The following HIBCH variants were observed in gnomAD, a reference collection of about 807,000 sequenced individuals.
HIBCH encodes 3-hydroxyisobutyryl-CoA hydrolase, mitochondrial.
HIBCH carries 50 observed loss-of-function variants against 58.2 expected under a neutral mutation model. The observed-to-expected ratio is 0.86, with a 90% CI of 0.68 to 1.09. HIBCH has a LOEUF of 1.09. Ranked by LOEUF, HIBCH falls within the 50% of genes least tolerant of loss-of-function variation. The probability of loss-of-function intolerance (pLI) is 0.00; values close to 1 mark genes in which losing one functional copy is unlikely to be tolerated. For missense variants in HIBCH, 450 were observed against 449.7 expected (o/e 1.00, Z -0.01); for synonymous variants, 151 against 146.9 (o/e 1.03, Z -0.20).
chr2:190,191,418 T>C (rs1032915700), intron 1 of HIBCH, among the ~76,000 whole-genome samples: 1 of 152,216 alleles, frequency 6.6e-6, no homozygotes, highest in African/African-American at 2.4e-5. Context: ...ATACTGGGAT[T>C]ACAGGCATGC....
At position 190,214,970 on chromosome 2, in the gene HIBCH, G is replaced by A. The variant is rs1250370322; in HGVS notation, c.892-1895C>T. ...CTTCTGAACAGTAGACGTCTAATAA[G>A]TACTCTCTTAGAGAAGTCCCTATGG... On this transcript the variant is annotated intron_variant, in intron 11 of 13. Transcript: ENST00000359678. This position sits in a 1 kb window ranked among gnomAD's most constrained non-coding sequence, Gnocchi z 5.5. 1 of 152,238 alleles carries A rather than the reference G, an allele frequency of 6.6e-6. No individual in the cohort carries two copies. The highest frequency in any genetic ancestry group is 1.5e-5 in the Non-Finnish European group (1 of 68,056). 9.4% of individuals were successfully genotyped at this position (152,238 alleles called of 1,614,324 possible). A position where few individuals can be genotyped will look rare whatever the true frequency, so the allele number is the denominator to read the frequency against.
Position 190,315,076 on chromosome 2 carries a change from T to C in HIBCH, c.36-4280A>G, listed in dbSNP as rs562177212. On this transcript the variant is annotated intron_variant, in intron 1 of 13. Transcript: ENST00000359678. This position sits in a 1 kb window ranked among gnomAD's most constrained non-coding sequence, Gnocchi z 5.4. ...CATTCTCCTGCCTCAGTCTCCTGAG[T>C]AGCTGGGACTACAGGTGCCTGCCAC... Among the ~76,000 whole-genome samples the C allele has an allele frequency of 6.1e-4, 93 of 151,990 alleles. No homozygotes were observed. Among genetic ancestry groups the C allele is most frequent in the Middle Eastern group, 3.4e-3 (1 of 294 alleles).
intron 5 of HIBCH, among the ~76,000 whole-genome samples, chr2:190,289,045 A>G (rs1687900379): frequency 6.6e-6 from 1 of 152,216 alleles, no homozygotes; most frequent in Admixed American, 6.5e-5. Flanking sequence ...TGGGAGACAG[A>G]GGCTGCAGTG....
Position 190,315,249 on chromosome 2 carries a change from C to T in HIBCH, c.36-4453G>A, listed in dbSNP as rs537525572. Reference sequence around the variant, plus strand: ...TACAGGCATGAGCCACTGTGCCCGGCCTGCTACTTCTAATTTCTTAATTAA... The same window carrying T: ...TACAGGCATGAGCCACTGTGCCCGGTCTGCTACTTCTAATTTCTTAATTAA... On this transcript the variant is annotated intron_variant, in intron 1 of 13. Coordinates refer to ENST00000359678, the MANE Select transcript of HIBCH (RefSeq NM_014362.4). The surrounding 1 kb of genome is among the most constrained non-coding windows in gnomAD (Gnocchi z 5.4). Among the ~76,000 whole-genome samples the T allele has an allele frequency of 6.6e-6, 1 of 152,206 alleles. No homozygotes were observed. The highest frequency in any genetic ancestry group is 1.5e-5 in the Non-Finnish European group (1 of 68,038).
chr2:190,296,842 T>C lies in HIBCH; in HGVS notation c.190A>G (p.Met64Val), dbSNP rs751220991. Reference protein sequence around the residue: ...PKFLNALTLNMIRQIYPQLKK... With the variant: ...PKFLNALTLNVIRQIYPQLKK... ...AGCTGTGGATAAATCTGCCGAATCA[T>C]ATTAAGAGTCAGTGCATTGAGGAAC... Residue 64 changes from methionine (M) to valine (V), a missense_variant, in exon 3 of 14, where the codon ATG becomes GTG. Coordinates refer to ENST00000359678, the MANE Select transcript of HIBCH (RefSeq NM_014362.4). 1 of 1,614,074 alleles carries C rather than the reference T, an allele frequency of 6.2e-7. No homozygotes were observed. The highest frequency in any genetic ancestry group is 2.2e-5 in the East Asian group (1 of 44,868).
chr2:190,311,226 A>C (rs757787204), intron 1 of HIBCH, among the ~76,000 whole-genome samples: 24 of 152,244 alleles, frequency 1.6e-4, no homozygotes, highest in Non-Finnish European at 8.8e-5. Context: ...TATTCTGAAA[A>C]GGGCAAAATT....
downstream of HIBCH, chr2:190,200,621 T>C (rs568349750): frequency 1.1e-5 from 2 of 173,954 alleles, no homozygotes; most frequent in Admixed American, 5.9e-5. Flanking sequence ...TCTTGTTTGT[T>C]TGTCAAGGAT....
rs1687712137 is a variant in HIBCH, at chr2:190,281,837, T to G, written c.438+5749A>C. On this transcript the variant is annotated intron_variant, in intron 6 of 13. Transcript: ENST00000359678. This position sits in a 1 kb window ranked among gnomAD's most constrained non-coding sequence, Gnocchi z 5.4. The stretch of plus-strand genomic sequence containing the variant: ...TTCCAGGCATTCTAATTCATGGCTC[T>G]AAATTCCTGAATTCCATAAAGCCCT... Among the ~76,000 whole-genome samples the G allele has an allele frequency of 6.6e-6, 1 of 152,222 alleles. No individual in the cohort carries two copies. The highest frequency in any genetic ancestry group is 1.9e-4 in the East Asian group (1 of 5,198).
chr2:190,314,301 A>G (rs148647102), intron 1 of HIBCH, among the ~76,000 whole-genome samples: 1,258 of 18,432 alleles, frequency 0.068, 42 homozygotes, highest in East Asian at 0.16. Flanking sequence ...GTATATATAC[A>G]TATATATGTG....
chr2:190,266,040 C>T (rs1175885279), intron 6 of HIBCH, among the ~76,000 whole-genome samples: 2 of 151,280 alleles, frequency 1.3e-5, no homozygotes, highest in Non-Finnish European at 2.9e-5. Context: ...TATAAGGTTA[C>T]TGCTTATGTT....
In HIBCH at chr2:190,216,669, C is replaced by T. The variant is rs564386796; in HGVS notation, c.892-3594G>A. On this transcript the variant is annotated intron_variant, in intron 11 of 13. Coordinates refer to ENST00000359678, the MANE Select transcript of HIBCH (RefSeq NM_014362.4). This position sits in a 1 kb window ranked among gnomAD's most constrained non-coding sequence, Gnocchi z 4.2. ...TTATCTAAAATGGGATTTTTAAATG[C>T]TGGTTATCAGTTCAAAAAACTTAAA... is the stretch of plus-strand genomic sequence containing the variant. Among the ~76,000 whole-genome samples, 22 of 152,270 alleles carry T rather than the reference C, an allele frequency of 1.4e-4. No homozygotes were observed. The highest frequency in any genetic ancestry group is 5.3e-4 in the African/African-American group (22 of 41,538).
chr2:190,199,567 T>TAAAAA, downstream of HIBCH: 1 of 373,448 alleles, frequency 2.7e-6, no homozygotes, highest in South Asian at 7.6e-5. Flanking sequence ...ACTGATAAGA[T>TAAAAA]AAAGCTGTTT....
intron 1 of HIBCH, among the ~76,000 whole-genome samples, chr2:190,190,211 C>A (rs1689648810): frequency 6.6e-6 from 1 of 152,098 alleles, no homozygotes; most frequent in African/African-American, 2.4e-5. Flanking sequence ...TATTTCAGGG[C>A]CTCTTCCAAA....
intron 7 of HIBCH, among the ~76,000 whole-genome samples, chr2:190,259,365 G>GTGTGTGTGTGTGTGTGTGTGTGTC (rs1305957511): frequency 2.8e-5 from 4 of 141,130 alleles, no homozygotes; most frequent in Admixed American, 7.0e-5. Context: ...GTGTGTGTGT[G>GTGTGTGTGTGTGTGTGTGTGTGTC]TGTCTGTCTG....
chr2:190,260,018 A>G (rs952265090), intron 7 of HIBCH, among the ~76,000 whole-genome samples: 5 of 152,174 alleles, frequency 3.3e-5, no homozygotes, highest in South Asian at 2.1e-4. Flanking sequence ...AAAAATGTCC[A>G]CTCTCACCAC....
intron 6 of HIBCH, among the ~76,000 whole-genome samples, chr2:190,283,346 T>A (rs1319900021): frequency 1.3e-5 from 2 of 152,092 alleles, no homozygotes; most frequent in African/African-American, 4.8e-5. Context: ...AAGTAGCCAA[T>A]CAGAATTAGT....
rs765228540 is a variant in HIBCH at position 190,252,339 on chromosome 2, GT to G, written c.518-33del. On this transcript the variant is annotated intron_variant, in intron 7 of 13. Transcript: ENST00000359678. ...TTAAATGTAACAAAAAGAGATAATG[GT>G]GATTCAAATGAAAAAGATAAATATA... The G allele has an allele frequency of 1.9e-6, 3 of 1,586,906 alleles. No individual in the cohort carries two copies. The South Asian group carries it at 3.3e-5, about 18-fold the overall frequency.
chr2:190,213,181 CATAAAAGATTATACCCTAGCTTA>C (rs1325504018), intron 11 of HIBCH, 106 bp from the exon 12 acceptor site: 1 of 983,000 alleles, frequency 1.0e-6, no homozygotes, highest in Non-Finnish European at 1.6e-6. Context: ...GCCAAAATCT[CATAAAAGATTATACCCTAGCTTA>C]ATCCTGCCAA....
chr2:190,259,325 G>GTA (rs1687020721), intron 7 of HIBCH, among the ~76,000 whole-genome samples: 1 of 85,684 alleles, frequency 1.2e-5, no homozygotes, highest in African/African-American at 4.3e-5. Context: ...ACAGATGTGT[G>GTA]TGTGTGTGTG....
Sources: gnomAD v4.1 joint callset for allele counts (sites outside exome capture counted in the v4.1 genomes callset) on GRCh38, gnomAD v4.1.1 for gene constraint, Gnocchi (gnomAD v3.1) non-coding constraint, MANE v1.5 for transcripts, NCBI Gene and HGNC (gene_info 2026-07-23, HGNC 2026-07-21) for gene names.